Variants in DPEP1 observed in about 807,000 individuals in gnomAD.
DPEP1 encodes dipeptidase 1.
A neutral mutation model predicts 42.3 loss-of-function variants in DPEP1; 50 were observed. The observed-to-expected ratio is 1.18, with a 90% CI of 0.94 to 1.50. DPEP1 has a LOEUF of 1.50. Among genes scored for constraint, DPEP1 ranks in the 40% most tolerant of loss-of-function variants. The probability of loss-of-function intolerance (pLI) is 0.00; values close to 1 mark genes in which losing one functional copy is unlikely to be tolerated. For synonymous variants in DPEP1, 297 were observed against 234.0 expected (o/e 1.27, Z -2.46); for missense variants, 663 against 553.0 (o/e 1.20, Z -1.99).
chr16:89,638,742 GCA>G (rs1306619991), downstream of DPEP1, among the ~76,000 whole-genome samples: 7 of 62,306 alleles, frequency 1.1e-4, no homozygotes, highest in Admixed American at 4.6e-4. Context: ...CCGCACCCCT[GCA>G]CACACACACA....
At chr16:89,634,543 T>C (rs1404116721) in intron 2 of DPEP1, among the ~76,000 whole-genome samples, 1 of 69,604 alleles carries the variant, frequency 1.4e-5, no homozygotes, top group African/African-American at 5.0e-5. Context: ...TCCTTCTCCT[T>C]TCCCCTTCCT....
intron 2 of DPEP1, among the ~76,000 whole-genome samples, chr16:89,630,912 TGC>T (rs2059579447): frequency 6.6e-6 from 1 of 151,864 alleles, no homozygotes; most frequent in African/African-American, 2.4e-5. Context: ...TCCTGGCCCC[TGC>T]TGCTTTGTGG....
At position 89,636,872 on chromosome 16, in the gene DPEP1, C is replaced by A; in HGVS notation, c.528C>A (p.Asp176Glu). The stretch of plus-strand genomic sequence containing the variant: ...CTGCCTTTTGCTTCTCCAGGGCTGA[C>A]AACTGGCTGGTGGACACGGGAGACA... ...LTHSCNTPWA[D>E]NWLVDTGDSE... Residue 176 changes from aspartate (D) to glutamate (E), a missense_variant, in exon 6 of 11, where the codon GAC (aspartate) becomes GAA (glutamate). Transcript: ENST00000690203. The A allele has an allele frequency of 1.2e-6, 2 of 1,612,580 alleles. No homozygotes were observed. The highest frequency in any genetic ancestry group is 1.7e-6 in the Non-Finnish European group (2 of 1,179,928).
At chr16:89,632,418 CAG>C (rs1219000929) in intron 2 of DPEP1, among the ~76,000 whole-genome samples, 3 of 152,326 alleles carry the variant, frequency 2.0e-5, no homozygotes, top group East Asian at 3.9e-4. Context: ...GCCAGCGACA[CAG>C]GGGCAGGAAG....
At chr16:89,632,778 C>A (rs980496839) in intron 2 of DPEP1, among the ~76,000 whole-genome samples, 2 of 152,002 alleles carry the variant, frequency 1.3e-5, no homozygotes, top group Admixed American at 1.3e-4. Flanking sequence ...AGAGGGCTGG[C>A]GGGGCACAGT....
rs13380728 is a variant in DPEP1 at position 89,621,403 on chromosome 16, C to T, written c.-107+7684C>T. On this transcript the variant is annotated intron_variant, in intron 1 of 10. Coordinates refer to ENST00000690203, the MANE Select transcript of DPEP1 (RefSeq NM_001389466.1). Reference sequence around the variant, plus strand: ...GGGCAGAAGTGGGGTGCCGGCCTTACGGCTGGGCCTGCAGATTGAGGGGCC... The same window carrying T: ...GGGCAGAAGTGGGGTGCCGGCCTTATGGCTGGGCCTGCAGATTGAGGGGCC... Among the ~76,000 whole-genome samples, 297 of 152,206 alleles carry T rather than the reference C, an allele frequency of 2.0e-3. 3 individuals are homozygous for T. The highest frequency in any genetic ancestry group is 6.5e-3 in the African/African-American group (268 of 41,518).
chr16:89,639,182 CA>C (rs2059723622), downstream of DPEP1, among the ~76,000 whole-genome samples: 1 of 67,340 alleles, frequency 1.5e-5, no homozygotes, highest in Non-Finnish European at 2.9e-5. Context: ...CACGCACACA[CA>C]CCCCACCCCT....
At position 89,636,308 on chromosome 16, in the gene DPEP1, C is replaced by T. The variant is rs772353636; in HGVS notation, c.282C>T (p.Ala94=). The T allele has an allele frequency of 3.0e-5, 49 of 1,612,110 alleles. No individual in the cohort carries two copies. The highest frequency in any genetic ancestry group is 1.6e-4 in the South Asian group (15 of 90,976). Residue 94 remains alanine, a synonymous_variant, in exon 4 of 11, where the codon GCC becomes GCT. Transcript: ENST00000690203. ...YTPCDTQNKD[A]VRRTLEQMDV... is the part of the protein sequence containing the mutation. Reference sequence around the variant, plus strand: ...CCTGCGACACCCAGAACAAAGACGCCGTGCGGAGGACGCTGGAGCAGATGG... The same window carrying T: ...CCTGCGACACCCAGAACAAAGACGCTGTGCGGAGGACGCTGGAGCAGATGG...
At chr16:89,639,863 G>C (rs916213148), downstream of DPEP1, among the ~76,000 whole-genome samples, 2 of 152,242 alleles carry the variant, frequency 1.3e-5, no homozygotes, top group South Asian at 2.1e-4. Flanking sequence ...TTTTAGTAGA[G>C]ACGAGGTTTC....
At chr16:89,639,617 G>A (rs1029516975), downstream of DPEP1, among the ~76,000 whole-genome samples, 2 of 149,544 alleles carry the variant, frequency 1.3e-5, no homozygotes, top group Non-Finnish European at 3.0e-5. Flanking sequence ...CACACCCCCT[G>A]CACCTGCTCA....
chr16:89,635,862 C>G, intron 2 of DPEP1, 46 bp from the exon 3 acceptor site: 1 of 1,551,186 alleles, frequency 6.4e-7, no homozygotes, highest in Non-Finnish European at 8.7e-7. Flanking sequence ...GCCCCCAGGT[C>G]CCAGTGGCCG....
intron 1 of DPEP1, among the ~76,000 whole-genome samples, chr16:89,616,028 A>T (rs1191892287): frequency 6.6e-6 from 1 of 151,986 alleles, no homozygotes; most frequent in Non-Finnish European, 1.5e-5. Context: ...AGCTGAGATC[A>T]CACCACTGCA....
At chr16:89,624,659 G>A (rs775480345) in intron 1 of DPEP1, among the ~76,000 whole-genome samples, 2 of 151,784 alleles carry the variant, frequency 1.3e-5, no homozygotes, top group South Asian at 2.1e-4. Flanking sequence ...CTCAGCCTCC[G>A]GAGTAGCTGG....
At chr16:89,636,103 T>C in intron 3 of DPEP1, 63 bp downstream of exon 3, 1 of 1,557,122 alleles carries the variant, frequency 6.4e-7, no homozygotes, top group Non-Finnish European at 8.7e-7. Flanking sequence ...ACCTCAGGCC[T>C]GGCTACAGTG....
chr16:89,636,511 T>C, intron 4 of DPEP1, 22 bp from the exon 5 acceptor site: 1 of 1,609,750 alleles, frequency 6.2e-7, no homozygotes, highest in African/African-American at 1.3e-5. Flanking sequence ...CCCACTCCCC[T>C]GCACCCTGAC....
At chr16:89,639,630 C>T (rs2059729501), downstream of DPEP1, among the ~76,000 whole-genome samples, 1 of 151,360 alleles carries the variant, frequency 6.6e-6, no homozygotes, top group Non-Finnish European at 1.5e-5. Flanking sequence ...CCTGCTCATT[C>T]TGATTCTGTA....
intron 1 of DPEP1, among the ~76,000 whole-genome samples, chr16:89,627,078 G>A (rs2059523357): frequency 1.3e-5 from 2 of 150,082 alleles, no homozygotes; most frequent in South Asian, 4.2e-4. Context: ...TGGCTAAAAC[G>A]GTGAAAACTT....
chr16:89,639,207 C>T (rs1219926603), downstream of DPEP1, among the ~76,000 whole-genome samples: 3 of 47,132 alleles, frequency 6.4e-5, no homozygotes, highest in Non-Finnish European at 8.1e-5. Flanking sequence ...CACACCCCCA[C>T]CCCTGCACGC....
At position 89,638,406 on chromosome 16, in the gene DPEP1, C is replaced by G; in HGVS notation, c.*184C>G. 1.5e-6 allele frequency: 2 copies of G among 1,357,476 alleles called. No homozygotes were observed. The highest frequency in any genetic ancestry group is 1.5e-5 in the African/African-American group (1 of 67,680). 84.1% of individuals were successfully genotyped at this position (1,357,476 alleles called of 1,614,324 possible). On this transcript the variant is annotated 3_prime_UTR_variant, in exon 11 of 11. Transcript: ENST00000690203. The stretch of plus-strand genomic sequence containing the variant: ...CAGTTCAGGACACACACACAGTAGG[C>G]CCGCAATAAAAGCAACACCCCTTCA...
Sources: allele counts gnomAD v4.1 joint callset (sites outside exome capture counted in the v4.1 genomes callset), GRCh38; gene constraint gnomAD v4.1.1; transcripts MANE v1.5; gene names NCBI Gene and HGNC (gene_info 2026-07-23, HGNC 2026-07-21).